Variants in VCL observed in about 807,000 individuals in gnomAD.
The protein encoded by VCL is epididymis luminal protein 114.
A neutral mutation model predicts 125.7 loss-of-function variants in VCL; 47 were observed. That is an observed-to-expected ratio of 0.37 (90% confidence interval 0.30 to 0.48). VCL has a LOEUF of 0.48. Among genes scored for constraint, VCL ranks in the 20% least tolerant of loss-of-function variants. VCL has a pLI of 0.99. For synonymous variants in VCL, 458 were observed against 514.6 expected (o/e 0.89, Z 1.49); for missense variants, 1,069 against 1,455.5 (o/e 0.73, Z 4.32).
chr10:74,070,887 T>TG (rs1841654252), intron 3 of VCL, 67 bp downstream of exon 3: 2 of 1,612,302 alleles, frequency 1.2e-6, no homozygotes, highest in African/African-American at 2.7e-5. Flanking sequence ...TTGTTTAGAA[T>TG]GAAAATATGT....
intron 8 of VCL, among the ~76,000 whole-genome samples, chr10:74,087,702 G>A (rs1405883491): frequency 6.6e-6 from 1 of 151,586 alleles, no homozygotes; most frequent in Non-Finnish European, 1.5e-5. Flanking sequence ...TAGGCTGGGT[G>A]TGGTGGCTCA....
At chr10:74,018,177 G>GAGATATATATATATAT (rs113828874) in intron 1 of VCL, among the ~76,000 whole-genome samples, 56 of 81,864 alleles carry the variant, frequency 6.8e-4, no homozygotes, top group African/African-American at 2.3e-3. Context: ...ATATATATAG[G>GAGATATATATATATAT]ATATATATAT....
At chr10:74,102,604 T>C (rs1255775602) in intron 14 of VCL, among the ~76,000 whole-genome samples, 2 of 152,270 alleles carry the variant, frequency 1.3e-5, no homozygotes, top group Non-Finnish European at 2.9e-5. Context: ...TGTCTCTGAA[T>C]CATTAAACTT....
chr10:74,117,499 T>C (rs1840329408), intron 21 of VCL, among the ~76,000 whole-genome samples: 2 of 152,002 alleles, frequency 1.3e-5, no homozygotes, highest in Admixed American at 1.3e-4. Context: ...TACAAAAAAT[T>C]AAAAAATTAC....
chr10:74,024,431 T>G (rs1393544386), intron 1 of VCL, among the ~76,000 whole-genome samples: 1 of 152,048 alleles, frequency 6.6e-6, no homozygotes. Context: ...GCCAACGTGG[T>G]GAAACCCTGT....
chr10:74,022,403 G>T (rs555863179), intron 1 of VCL, among the ~76,000 whole-genome samples: 1 of 151,412 alleles, frequency 6.6e-6, no homozygotes, highest in African/African-American at 2.4e-5. Flanking sequence ...AAAATTAGCC[G>T]GGCATGATGG....
intron 21 of VCL, among the ~76,000 whole-genome samples, chr10:74,115,793 G>A (rs180981748): frequency 2.1e-4 from 32 of 152,328 alleles, no homozygotes; most frequent in Non-Finnish European, 3.8e-4. Flanking sequence ...GATAGAGATA[G>A]AAATAAGGAT....
intron 1 of VCL, among the ~76,000 whole-genome samples, chr10:74,002,751 A>G (rs1840251360): frequency 6.6e-6 from 1 of 151,286 alleles, no homozygotes; most frequent in Non-Finnish European, 1.5e-5. Flanking sequence ...GCATGGTGGC[A>G]CGCGCCTGTA....
intron 1 of VCL, among the ~76,000 whole-genome samples, chr10:74,000,458 A>G (rs1840206525): frequency 6.6e-6 from 1 of 151,910 alleles, no homozygotes; most frequent in African/African-American, 2.4e-5. Flanking sequence ...CTCTGTCACG[A>G]GGCTGGAGTG....
chr10:74,074,636 A>T, intron 5 of VCL, 107 bp from the exon 6 acceptor site: 1 of 1,258,358 alleles, frequency 7.9e-7, no homozygotes, highest in Non-Finnish European at 1.1e-6. Flanking sequence ...TACTCATTTT[A>T]GGATCTTAAA....
intron 1 of VCL, among the ~76,000 whole-genome samples, chr10:74,041,166 A>AT (rs56303815): frequency 0.35 from 52,670 of 151,066 alleles, 10,767 homozygotes; most frequent in Non-Finnish European, 0.47. Flanking sequence ...TTCTTACTCC[A>AT]TTTTTTTTTC....
Position 74,074,039 on chromosome 10 carries a change from C to T in VCL, c.623-704C>T, listed in dbSNP as rs138494011. On this transcript the variant is annotated intron_variant, in intron 5 of 21. Transcript: ENST00000211998. ...GGTCAGGAGTTCGAGACCAGCCTGG[C>T]CAACATGGCAAAACCCCGTCTCTAC... Among the ~76,000 whole-genome samples, 48 of 152,204 alleles carry T rather than the reference C, an allele frequency of 3.2e-4. No homozygotes were observed. The East Asian group carries it at 7.5e-3, about 24-fold the overall frequency.
Position 73,998,191 on chromosome 10 carries a change from C to T in VCL, c.-17C>T. 6.8e-6 allele frequency: 11 copies of T among 1,610,340 alleles called. No homozygotes were observed. Among genetic ancestry groups the T allele is most frequent in the Non-Finnish European group, 9.3e-6 (11 of 1,178,448 alleles). On this transcript the variant is annotated 5_prime_UTR_variant, in exon 1 of 22. Transcript: ENST00000211998. ...CTTCTCTGTCGCCCGCGGTTCGCCG[C>T]CCCGCTCGCCGCCGCGATGCCAGTG...
At chr10:74,096,919 T>C (rs1839978057) in intron 12 of VCL, among the ~76,000 whole-genome samples, 1 of 152,226 alleles carries the variant, frequency 6.6e-6, no homozygotes, top group African/African-American at 2.4e-5. Context: ...CTCAGTATCA[T>C]TTCATGGAGG....
chr10:74,087,640 G>A (rs1056907330), intron 8 of VCL, among the ~76,000 whole-genome samples: 1 of 149,986 alleles, frequency 6.7e-6, no homozygotes, highest in African/African-American at 2.4e-5. Context: ...GATTACAGGC[G>A]TGAGCCACCG....
At chr10:74,017,384 G>A (rs556285152) in intron 1 of VCL, among the ~76,000 whole-genome samples, 203 of 152,146 alleles carry the variant, frequency 1.3e-3, no homozygotes, top group Non-Finnish European at 2.1e-3. Flanking sequence ...TCCATTGTAT[G>A]TGCATACCAC....
intron 2 of VCL, among the ~76,000 whole-genome samples, chr10:74,050,604 G>A (rs1434749922): frequency 6.6e-6 from 1 of 152,150 alleles, no homozygotes; most frequent in Non-Finnish European, 1.5e-5. Flanking sequence ...AATTTGTGAT[G>A]AAATTTGTAT....
rs765020779 is a variant in VCL, at chr10:74,114,830, C to T, written c.3189C>T (p.Leu1063=). The change falls in exon 21 of 22, where the codon CTC becomes CTT. Residue 1063 remains leucine (L), a synonymous_variant. Transcript: ENST00000211998. The part of the protein sequence containing the change: ...CERIPTISTQ[L]KILSTVKATM... ...GAATCCCAACCATAAGCACCCAGCT[C>T]AAAATCCTGTCCACAGTGAAGGCCA... 21 of 1,608,954 alleles carry T rather than the reference C, an allele frequency of 1.3e-5. No individual in the cohort carries two copies. The highest frequency in any genetic ancestry group is 8.9e-5 in the South Asian group (8 of 89,942).
intron 10 of VCL, among the ~76,000 whole-genome samples, chr10:74,093,115 G>A (rs1839913683): frequency 6.6e-6 from 1 of 152,104 alleles, no homozygotes; most frequent in Admixed American, 6.5e-5. Context: ...CGGTCAACAT[G>A]GTGAAAACCC....
Sources: gnomAD v4.1 joint callset for allele counts (sites outside exome capture counted in the v4.1 genomes callset) on GRCh38, gnomAD v4.1.1 for gene constraint, MANE v1.5 for transcripts, NCBI Gene and HGNC (gene_info 2026-07-23, HGNC 2026-07-21) for gene names.